PRKG1: variants seen among roughly 807,000 people sequenced by gnomAD.
PRKG1 encodes cGMP-dependent protein kinase 1.
PRKG1 carries 35 observed loss-of-function variants against 88.1 expected under a neutral mutation model. The ratio of observed to expected loss-of-function variants is 0.40; its 90% confidence interval spans 0.30 to 0.53. The LOEUF (loss-of-function observed/expected upper bound fraction) is 0.53, where lower values mean the gene tolerates loss of function less well. Among genes scored for constraint, PRKG1 ranks in the 20% least tolerant of loss-of-function variants. PRKG1 has a pLI of 0.59. For missense variants in PRKG1, 540 were observed against 839.8 expected (o/e 0.64, Z 4.41); for synonymous variants, 303 against 292.5 (o/e 1.04, Z -0.37).
At chr10:51,514,565 C>T (rs557640359) in intron 3 of PRKG1, among the ~76,000 whole-genome samples, 2 of 152,216 alleles carry the variant, frequency 1.3e-5, no homozygotes, top group South Asian at 4.2e-4. Flanking sequence ...TCTTAAAAGC[C>T]ATGATGTGGC....
At chr10:51,107,756 C>T (rs1278002089) in intron 1 of PRKG1, among the ~76,000 whole-genome samples, 1 of 138,302 alleles carries the variant, frequency 7.2e-6, no homozygotes, top group Non-Finnish European at 1.5e-5. Context: ...CCTGGGAAGT[C>T]GCAGTTTCAG....
At chr10:51,720,574 G>A (rs1841989100) in intron 3 of PRKG1, among the ~76,000 whole-genome samples, 1 of 152,092 alleles carries the variant, frequency 6.6e-6, no homozygotes, top group African/African-American at 2.4e-5. Context: ...GCTTATGGGT[G>A]GGATGGCTTT....
At chr10:51,916,855 A>G (rs1417986011) in intron 5 of PRKG1, among the ~76,000 whole-genome samples, 1 of 152,214 alleles carries the variant, frequency 6.6e-6, no homozygotes, top group East Asian at 1.9e-4. Context: ...TGGGTGAAGG[A>G]CTTGATATAT....
intron 2 of PRKG1, among the ~76,000 whole-genome samples, chr10:51,412,704 G>A (rs1250437326): frequency 6.6e-6 from 1 of 152,082 alleles, no homozygotes; most frequent in Non-Finnish European, 1.5e-5. Flanking sequence ...CAGACATTCA[G>A]TTTATGGGGA....
intron 2 of PRKG1, among the ~76,000 whole-genome samples, chr10:51,324,006 A>G (rs899238889): frequency 6.6e-6 from 1 of 152,330 alleles, no homozygotes; most frequent in South Asian, 2.1e-4. Context: ...TTTGGGATGC[A>G]TGTGATACTT....
rs371954617 is a variant in PRKG1, at chr10:51,213,956, C to T, written c.478+60626C>T. On this transcript the variant is annotated intron_variant, in intron 2 of 17. Coordinates refer to ENST00000373980, the MANE Select transcript of PRKG1 (RefSeq NM_006258.4). ...AGAATGGCCTTTTGTTTATAGTTCTCGTTTGGAATCAGATTCATCATTCTT... is the reference window on the plus strand; with the variant it reads ...AGAATGGCCTTTTGTTTATAGTTCTTGTTTGGAATCAGATTCATCATTCTT... 1.8e-4 allele frequency among the ~76,000 whole-genome samples: 27 copies of T among 151,962 alleles called. No homozygotes were observed. The South Asian group carries it at 4.0e-3, about 22-fold the overall frequency.
chr10:51,299,275 G>A (rs574496076), intron 2 of PRKG1, among the ~76,000 whole-genome samples: 20 of 151,436 alleles, frequency 1.3e-4, no homozygotes, highest in East Asian at 7.8e-4. Flanking sequence ...GTACGATCTC[G>A]GCTCACTGCA....
At chr10:52,137,212 A>G (rs1837451197) in intron 8 of PRKG1, among the ~76,000 whole-genome samples, 1 of 152,052 alleles carries the variant, frequency 6.6e-6, no homozygotes, top group Non-Finnish European at 1.5e-5. Flanking sequence ...AAAGAACATT[A>G]TTGTAACTAA....
intron 2 of PRKG1, among the ~76,000 whole-genome samples, chr10:51,241,961 C>T (rs1839164635): frequency 6.6e-6 from 1 of 151,318 alleles, no homozygotes; most frequent in Admixed American, 6.6e-5. Flanking sequence ...CTTTTTTGCC[C>T]TCTATGCTGG....
At chr10:51,328,861 T>A (rs1841658798) in intron 2 of PRKG1, among the ~76,000 whole-genome samples, 1 of 152,176 alleles carries the variant, frequency 6.6e-6, no homozygotes, top group Non-Finnish European at 1.5e-5. Flanking sequence ...AGATATTAGG[T>A]ACATTTTATT....
intron 5 of PRKG1, among the ~76,000 whole-genome samples, chr10:51,963,076 CT>C (rs574195304): frequency 2.0e-5 from 3 of 151,348 alleles, no homozygotes; most frequent in Non-Finnish European, 2.9e-5. Flanking sequence ...TTGGCACAAA[CT>C]TTTTTTTTGC....
At chr10:51,180,383 T>G (rs1837312307) in intron 2 of PRKG1, among the ~76,000 whole-genome samples, 1 of 152,220 alleles carries the variant, frequency 6.6e-6, no homozygotes, top group African/African-American at 2.4e-5. Flanking sequence ...CTTAGTTTGC[T>G]TTTGCTGTCT....
chr10:51,894,890 T>A, intron 4 of PRKG1, among the ~76,000 whole-genome samples: 1 of 152,192 alleles, frequency 6.6e-6, no homozygotes, highest in East Asian at 1.9e-4. Flanking sequence ...TTGGCCTGAC[T>A]TCTTATTTGT....
intron 3 of PRKG1, among the ~76,000 whole-genome samples, chr10:51,642,210 T>C (rs1038195988): frequency 4.6e-5 from 7 of 151,940 alleles, no homozygotes; most frequent in Admixed American, 2.6e-4. Flanking sequence ...ACCAACATGG[T>C]GAAACTCCTT....
chr10:51,245,941 T>G (rs184575818), intron 2 of PRKG1: 2 of 152,226 alleles, frequency 1.3e-5, no homozygotes, highest in Non-Finnish European at 2.9e-5. Context: ...TATACTTAGA[T>G]AATAGCAAAC....
intron 3 of PRKG1, among the ~76,000 whole-genome samples, chr10:51,511,179 C>A (rs951072474): frequency 1.3e-4 from 20 of 152,212 alleles, no homozygotes; most frequent in Non-Finnish European, 2.8e-4. Context: ...ACTCCTATAA[C>A]ATTTACGACA....
At chr10:52,097,713 A>T (rs1847204158) in intron 7 of PRKG1, among the ~76,000 whole-genome samples, 2 of 151,982 alleles carry the variant, frequency 1.3e-5, no homozygotes, top group Admixed American at 1.3e-4. Context: ...GTATCATTAC[A>T]TCCTAAAGCT....
intron 9 of PRKG1, among the ~76,000 whole-genome samples, chr10:52,170,672 T>G (rs1223802547): frequency 6.6e-6 from 1 of 152,188 alleles, no homozygotes; most frequent in East Asian, 1.9e-4. Context: ...CCGTAATTAG[T>G]CCTCATTGAT....
chr10:51,204,634 G>GA (rs1838000681), intron 2 of PRKG1, among the ~76,000 whole-genome samples: 1 of 152,036 alleles, frequency 6.6e-6, no homozygotes, highest in Admixed American at 6.6e-5. Context: ...ATTACGGATT[G>GA]AAAAAATTGC....
Sources: gnomAD v4.1 joint callset for allele counts (sites outside exome capture counted in the v4.1 genomes callset) on GRCh38, gnomAD v4.1.1 for gene constraint, MANE v1.5 for transcripts, NCBI Gene and HGNC (gene_info 2026-07-23, HGNC 2026-07-21) for gene names.